Variants in SLC25A14 observed in about 807,000 individuals in gnomAD.
SLC25A14 encodes solute carrier family 25 member 14.
SLC25A14 carries 8 observed loss-of-function variants against 28.1 expected under a neutral mutation model. The observed-to-expected ratio is 0.28, with a 90% CI of 0.17 to 0.51. SLC25A14 has a LOEUF of 0.51. SLC25A14 is among the 20% of genes least tolerant of loss of function. The pLI is 0.97. For missense variants in SLC25A14, 135 were observed against 263.8 expected (o/e 0.51, Z 3.38); for synonymous variants, 74 against 90.6 (o/e 0.82, Z 1.04).
intron 6 of SLC25A14, among the ~76,000 whole-genome samples, chrX:130,356,458 A>T (rs1421272804): frequency 9.1e-6 from 1 of 109,688 alleles, no homozygotes; most frequent in Non-Finnish European, 1.9e-5. Flanking sequence ...CAAACTACTG[A>T]CCTCAGGTGA....
chrX:130,370,006 A>G (rs1409034685), intron 9 of SLC25A14, among the ~76,000 whole-genome samples: 2 of 111,705 alleles, frequency 1.8e-5, no homozygotes, highest in Non-Finnish European at 3.8e-5. Flanking sequence ...TCCAGGTAAG[A>G]GATTATGAGA....
chrX:130,354,540 C>T (rs1036899144), intron 6 of SLC25A14, among the ~76,000 whole-genome samples: 8 of 112,219 alleles, frequency 7.1e-5, no homozygotes, highest in Non-Finnish European at 1.5e-4. Flanking sequence ...ATGTAACCAT[C>T]TAGAGGACTG....
At chrX:130,350,159 T>C (rs2033582161) in intron 5 of SLC25A14, among the ~76,000 whole-genome samples, 1 of 111,966 alleles carries the variant, frequency 8.9e-6, no homozygotes, top group African/African-American at 3.2e-5. Context: ...ACAGAAATAT[T>C]TTATAAATTA....
rs758281519 is a variant in SLC25A14 at position 130,343,284 on chromosome X, C to T, written c.76-1898C>T. Among the ~76,000 whole-genome samples the T allele has an allele frequency of 2.7e-5, 3 of 112,119 alleles. No individual in the cohort carries two copies. In the South Asian group the frequency reaches 1.1e-3, roughly 41 times the overall value. ...GGGGATATGCCATGGTCTTGCTTTT[C>T]CATCTCTACTCTCACCATATGTGTC... On this transcript the variant is annotated intron_variant, in intron 2 of 10. Coordinates refer to ENST00000545805, the MANE Select transcript of SLC25A14 (RefSeq NM_001282195.2).
chrX:130,371,496 A>C, intron 9 of SLC25A14, 68 bp from the exon 10 acceptor site: 1 of 765,129 alleles, frequency 1.3e-6, no homozygotes, highest in Non-Finnish European at 2.0e-6. Flanking sequence ...CTGGGGTGGG[A>C]GTGGAAGGTG....
intron 8 of SLC25A14, chrX:130,365,261 A>G (rs1037124347): frequency 6.9e-6 from 6 of 874,137 alleles, no homozygotes; most frequent in Non-Finnish European, 8.4e-6. Flanking sequence ...TTATGTAACT[A>G]ATACATGGTG....
intron 6 of SLC25A14, among the ~76,000 whole-genome samples, chrX:130,356,282 A>G (rs887914513): frequency 7.9e-5 from 7 of 88,665 alleles, no homozygotes; most frequent in African/African-American, 3.2e-4. Flanking sequence ...GCTGGAGTGC[A>G]ATGGCATGAT....
At chrX:130,342,493 A>G (rs2033290264) in intron 2 of SLC25A14, among the ~76,000 whole-genome samples, 1 of 112,151 alleles carries the variant, frequency 8.9e-6, no homozygotes, top group Non-Finnish European at 1.9e-5. Context: ...GGGCTTGCCT[A>G]GGGAAAAAAG....
intron 6 of SLC25A14, among the ~76,000 whole-genome samples, chrX:130,352,151 A>G (rs377508356): frequency 5.4e-5 from 6 of 111,733 alleles, no homozygotes; most frequent in African/African-American, 2.0e-4. Context: ...TCCCACTTAT[A>G]AGTGAGAACA....
At chrX:130,371,726 G>A in intron 10 of SLC25A14, 82 bp downstream of exon 10, 5 of 675,179 alleles carry the variant, frequency 7.4e-6, no homozygotes, top group Non-Finnish European at 1.2e-5. Flanking sequence ...GATTATTAAA[G>A]CCTTTTAGGC....
At chrX:130,346,822 G>A in intron 4 of SLC25A14, 131 bp downstream of exon 4, 1 of 515,447 alleles carries the variant, frequency 1.9e-6, no homozygotes, top group Non-Finnish European at 3.1e-6. Context: ...TGATATGCCA[G>A]TTTATATTTC....
At chrX:130,371,728 C>A in intron 10 of SLC25A14, 84 bp downstream of exon 10, 1 of 667,082 alleles carries the variant, frequency 1.5e-6, no homozygotes, top group Non-Finnish European at 2.4e-6. Flanking sequence ...TTATTAAAGC[C>A]TTTTAGGCTA....
chrX:130,350,677 G>A lies in SLC25A14; in HGVS notation c.444G>A (p.Gly148=), dbSNP rs5930401. Residue 148 remains glycine (G), a synonymous_variant, in exon 6 of 11, where the codon GGG becomes GGA. Transcript: ENST00000545805. ...CTCTTTTAATTAATATGATCTGTGG[G>A]GTAGTGTCAGGAGTGATATCTTCCA... ...DETLLINMIC[G]VVSGVISSTI... is the part of the protein sequence containing the mutation. The A allele has an allele frequency of 4.5e-3, 5,277 of 1,167,297 alleles. 17 individuals are homozygous for A. Among genetic ancestry groups the A allele is most frequent in the Non-Finnish European group, 5.7e-3 (4,921 of 860,808 alleles).
intron 10 of SLC25A14, among the ~76,000 whole-genome samples, chrX:130,372,443 T>TTTTATTTA (rs199840721): frequency 3.2e-4 from 33 of 103,920 alleles, no homozygotes; most frequent in Middle Eastern, 5.0e-3. Context: ...ACAGGTGGTG[T>TTTTATTTA]TTTATTTATT....
chrX:130,359,071 G>A (rs1308604668), intron 7 of SLC25A14: 5 of 964,163 alleles, frequency 5.2e-6, no homozygotes, highest in African/African-American at 4.0e-5. Context: ...AGCTGTTACC[G>A]GCTGTGTGCT....
At position 130,372,904 on chromosome X, in the gene SLC25A14, C is replaced by T; in HGVS notation, c.937-5C>T. The T allele has an allele frequency of 8.5e-7, 1 of 1,177,330 alleles. No homozygotes were observed. The highest frequency in any genetic ancestry group is 1.2e-6 in the Non-Finnish European group (1 of 867,344). On this transcript the variant is annotated splice_polypyrimidine_tract_variant and splice_region_variant and intron_variant, in intron 10 of 10. Coordinates refer to ENST00000545805, the MANE Select transcript of SLC25A14 (RefSeq NM_001282195.2). ...CCTGGTGATCTTCCTTGACTTACTC[C>T]TCAGTTTTTTATTACATACGAGCAG...
chrX:130,362,494 A>G (rs912594097), intron 7 of SLC25A14, among the ~76,000 whole-genome samples: 12 of 111,266 alleles, frequency 1.1e-4, no homozygotes, highest in Non-Finnish European at 1.9e-4. Flanking sequence ...AAAGTAAAAC[A>G]TTCATTGTGA....
intron 4 of SLC25A14, 131 bp downstream of exon 4, chrX:130,346,822 G>T: frequency 1.9e-6 from 1 of 515,445 alleles, no homozygotes; most frequent in Non-Finnish European, 3.1e-6. Context: ...TGATATGCCA[G>T]TTTATATTTC....
At chrX:130,361,039 C>A (rs1335532374) in intron 7 of SLC25A14, among the ~76,000 whole-genome samples, 2 of 112,011 alleles carry the variant, frequency 1.8e-5, no homozygotes, top group African/African-American at 6.5e-5. Flanking sequence ...CAATATTTAT[C>A]TTTTTGTGAC....
Sources: gnomAD v4.1 joint callset for allele counts (sites outside exome capture counted in the v4.1 genomes callset) on GRCh38, gnomAD v4.1.1 for gene constraint, MANE v1.5 for transcripts, NCBI Gene and HGNC (gene_info 2026-07-23, HGNC 2026-07-21) for gene names.